PCDHGA4: variants seen among roughly 807,000 people sequenced by gnomAD.
The protein encoded by PCDHGA4 is protocadherin gamma subfamily A, 4.
PCDHGA4 carries 38 observed loss-of-function variants against 54.6 expected under a neutral mutation model. That is an observed-to-expected ratio of 0.70 (90% CI 0.54 to 0.91). The LOEUF (loss-of-function observed/expected upper bound fraction) is 0.91. Ranked by LOEUF, PCDHGA4 falls within the 40% of genes least tolerant of loss-of-function variation. The pLI, the probability that PCDHGA4 is intolerant of heterozygous loss-of-function variation, is 0.00. For missense variants in PCDHGA4, 1,298 were observed against 1,220.9 expected, an observed-to-expected ratio of 1.06 and a Z score of -0.94; for synonymous variants, 511 against 512.9, an observed-to-expected ratio of 1.00 and a Z score of 0.05.
chr5:141,393,650 C>A, intron 1 of PCDHGA4: 1 of 1,613,906 alleles, frequency 6.2e-7, no homozygotes, highest in Non-Finnish European at 8.5e-7. Context: ...AAGTGGCATA[C>A]AAATTCCGGA....
Position 141,489,161 on chromosome 5 carries a change from A to T in PCDHGA4, c.2515-5646A>T. ...GCTGGAAGGAGACATAAGAGACTTC[A>T]GCTGCTGCATTCCAAGCCCTGGGTC... On this transcript the variant is annotated intron_variant, in intron 1 of 3. Coordinates refer to ENST00000571252, the MANE Select transcript of PCDHGA4 (RefSeq NM_018917.4). The surrounding 1 kb of genome is among the most constrained non-coding windows in gnomAD (Gnocchi z 4.5). 1.9e-6 allele frequency: 2 copies of T among 1,040,278 alleles called. No individual in the cohort carries two copies. The highest frequency in any genetic ancestry group is 2.8e-6 in the Non-Finnish European group (2 of 709,676). 64.4% of individuals were successfully genotyped at this position (1,040,278 alleles called of 1,614,324 possible).
Position 141,491,543 on chromosome 5 carries a change from A to G in PCDHGA4, c.2515-3264A>G. 6.2e-7 allele frequency: 1 copy of G among 1,613,842 alleles called. No individual in the cohort carries two copies. The highest frequency in any genetic ancestry group is 8.5e-7 in the Non-Finnish European group (1 of 1,179,982). ...ATGGAGGTGACGCTGCGGCCCACAG[A>G]CTCGCAGAGCCACTGCTACAGGACG... On this transcript the variant is annotated intron_variant, in intron 1 of 3. Coordinates refer to ENST00000571252, the MANE Select transcript of PCDHGA4 (RefSeq NM_018917.4). The surrounding 1 kb of genome is among the most constrained non-coding windows in gnomAD (Gnocchi z 6.9).
At chr5:141,376,554 C>A in intron 1 of PCDHGA4, 1 of 1,611,072 alleles carries the variant, frequency 6.2e-7, no homozygotes, top group Non-Finnish European at 8.5e-7. Flanking sequence ...GATCTTCCCG[C>A]AACCCAACTA....
chr5:141,419,240 G>T, intron 1 of PCDHGA4: 1 of 1,613,980 alleles, frequency 6.2e-7, no homozygotes. Flanking sequence ...CCTGGTCCAC[G>T]TGCCAGAAAA....
chr5:141,362,383 T>C (rs781696906), intron 1 of PCDHGA4: 4 of 1,614,050 alleles, frequency 2.5e-6, no homozygotes, highest in Non-Finnish European at 2.5e-6. Context: ...TACATTGCCC[T>C]ATTCCTACAA....
intron 1 of PCDHGA4, chr5:141,419,030 C>G (rs1178461733): frequency 5.0e-6 from 8 of 1,613,768 alleles, no homozygotes; most frequent in Non-Finnish European, 6.8e-6. Context: ...TAGAGGTGTT[C>G]CATTTAAGAT....
In PCDHGA4 at chr5:141,491,091, A is replaced by T; in HGVS notation, c.2515-3716A>T. ...TGTTGCCACAGTCCACAGCCCCAGG[A>T]CTGTTCCTCGTGTCTACACACACTG... On this transcript the variant is annotated intron_variant, in intron 1 of 3. Transcript: ENST00000571252. This position sits in a 1 kb window ranked among gnomAD's most constrained non-coding sequence, Gnocchi z 6.9. The T allele has an allele frequency of 6.2e-7, 1 of 1,614,032 alleles. No individual in the cohort carries two copies. Among genetic ancestry groups the T allele is most frequent in the Non-Finnish European group, 8.5e-7 (1 of 1,180,000 alleles).
chr5:141,427,883 C>G (rs2097084423), intron 1 of PCDHGA4: 3 of 1,563,818 alleles, frequency 1.9e-6, no homozygotes, highest in Non-Finnish European at 1.7e-6. Flanking sequence ...TGCAGGCCCA[C>G]GACCAGGGCT....
chr5:141,393,453 G>A lies in PCDHGA4; in HGVS notation c.2514+35832G>A, dbSNP rs373805221. On this transcript the variant is annotated intron_variant, in intron 1 of 3. Coordinates refer to ENST00000571252, the MANE Select transcript of PCDHGA4 (RefSeq NM_018917.4). ...GGCTGCTCACCACCTGGTCCTCACGGCCTCGGATGGCGGCAAGCCGCCTCG... is the reference window on the plus strand; with the variant it reads ...GGCTGCTCACCACCTGGTCCTCACGACCTCGGATGGCGGCAAGCCGCCTCG... 113 of 1,613,920 alleles carry A rather than the reference G, an allele frequency of 7.0e-5. 1 individual carries two copies. The highest frequency in any genetic ancestry group is 8.9e-5 in the Non-Finnish European group (105 of 1,179,908).
In PCDHGA4 at chr5:141,375,771, T is replaced by C. The variant is rs570278414; in HGVS notation, c.2514+18150T>C. ...CAGAATGACAATGCGCCCGAGATCC[T>C]GTACCCCGCCCTCCCCACAGACGGT... On this transcript the variant is annotated intron_variant, in intron 1 of 3. Transcript: ENST00000571252. 16 of 1,614,130 alleles carry C rather than the reference T, an allele frequency of 9.9e-6. No individual in the cohort carries two copies. Among genetic ancestry groups the C allele is most frequent in the Middle Eastern group, 1.6e-4 (1 of 6,084 alleles).
chr5:141,390,477 C>T (rs2150421205), intron 1 of PCDHGA4: 3 of 678,620 alleles, frequency 4.4e-6, no homozygotes, highest in South Asian at 2.0e-5. Flanking sequence ...TGTGGCCCAA[C>T]ATTTGTTTGT....
chr5:141,489,431 T>C lies in PCDHGA4; in HGVS notation c.2515-5376T>C. 6.2e-7 allele frequency: 1 copy of C among 1,614,132 alleles called. No individual in the cohort carries two copies. Among genetic ancestry groups the C allele is most frequent in the Non-Finnish European group, 8.5e-7 (1 of 1,180,024 alleles). On this transcript the variant is annotated intron_variant, in intron 1 of 3. Transcript: ENST00000571252. This position sits in a 1 kb window ranked among gnomAD's most constrained non-coding sequence, Gnocchi z 4.5. ...ATGACAGATCTGTTGAGCCGGCGGC[T>C]GCAATTGGGCTCTGAGGAGAATGGG...
At chr5:141,404,198 T>G in intron 1 of PCDHGA4, 1 of 1,613,554 alleles carries the variant, frequency 6.2e-7, no homozygotes, top group Non-Finnish European at 8.5e-7. Flanking sequence ...AGAAAAAGCC[T>G]CAGAATATAA....
intron 1 of PCDHGA4, among the ~76,000 whole-genome samples, chr5:141,444,372 T>C (rs967151811): frequency 6.6e-6 from 1 of 151,998 alleles, no homozygotes. Context: ...GGTTTCTCCA[T>C]GTTGGTCAGG....
In PCDHGA4 at chr5:141,355,688, G is replaced by C. The variant is rs751731556; in HGVS notation, c.581G>C (p.Gly194Ala). 6.2e-7 allele frequency: 1 copy of C among 1,613,990 alleles called. No homozygotes were observed. The highest frequency in any genetic ancestry group is 8.5e-7 in the Non-Finnish European group (1 of 1,179,898). Residue 194 changes from glycine (G) to alanine (A), a missense_variant, in exon 1 of 4, where the codon GGT becomes GCT. Gly to Ala is a moderately conservative substitution (Grantham distance 60). Transcript: ENST00000571252. ...CCTGAAGCTTTTGATCCGGATGTAG[G>C]TGTAAACTCCCTGCAGGGTTACCAG... ...PLPEAFDPDV[G>A]VNSLQGYQLN...
chr5:141,360,714 G>A (rs1761713863), intron 1 of PCDHGA4: 1 of 1,613,956 alleles, frequency 6.2e-7, no homozygotes, highest in Non-Finnish European at 8.5e-7. Flanking sequence ...AATATCCTGA[G>A]TTGATTCTAA....
At chr5:141,497,848 T>C (rs2099779951) in intron 2 of PCDHGA4, among the ~76,000 whole-genome samples, 1 of 152,178 alleles carries the variant, frequency 6.6e-6, no homozygotes, top group South Asian at 2.1e-4. Flanking sequence ...AACAAACATT[T>C]TTGATTCAGC....
rs562057533 is a variant in PCDHGA4, at chr5:141,365,545, A to T, written c.2514+7924A>T. 16 of 1,613,796 alleles carry T rather than the reference A, an allele frequency of 9.9e-6. No homozygotes were observed. In the South Asian group the frequency reaches 1.4e-4, roughly 14 times the overall value. ...CAGTTGATAATTACTATCACCTATT[A>T]ACAACTAGGGACCTGGACAGAGAAG... On this transcript the variant is annotated intron_variant, in intron 1 of 3. Coordinates refer to ENST00000571252, the MANE Select transcript of PCDHGA4 (RefSeq NM_018917.4).
chr5:141,489,558 G>A lies in PCDHGA4; in HGVS notation c.2515-5249G>A. On this transcript the variant is annotated intron_variant, in intron 1 of 3. Coordinates refer to ENST00000571252, the MANE Select transcript of PCDHGA4 (RefSeq NM_018917.4). The surrounding 1 kb of genome is among the most constrained non-coding windows in gnomAD (Gnocchi z 4.5). ...CCAGCACCAGCTGCCTGCTGCCAGT[G>A]CAGGTGGTGACTGAACACCCCCTGG... 1 of 1,614,130 alleles carries A rather than the reference G, an allele frequency of 6.2e-7. No individual in the cohort carries two copies. Among genetic ancestry groups the A allele is most frequent in the Non-Finnish European group, 8.5e-7 (1 of 1,180,024 alleles).
Sources: gnomAD v4.1 joint callset for allele counts (sites outside exome capture counted in the v4.1 genomes callset) on GRCh38, gnomAD v4.1.1 for gene constraint, Gnocchi (gnomAD v3.1) non-coding constraint, MANE v1.5 for transcripts, NCBI Gene and HGNC (gene_info 2026-07-23, HGNC 2026-07-21) for gene names.